Variants in JUND observed in about 807,000 individuals in gnomAD.
JUND encodes the protein transcription factor JunD.
In JUND, 2 loss-of-function variants were observed where a neutral mutation model predicts 7.1. The ratio of observed to expected loss-of-function variants is 0.28; its 90% CI spans 0.11 to 0.88. The LOEUF is 0.88. JUND is among the 40% of genes least tolerant of loss of function. JUND has a pLI of 0.60. For synonymous variants in JUND, 335 were observed against 263.2 expected, an observed-to-expected ratio of 1.27 and a Z score of -2.64; for missense variants, 479 against 519.1, an observed-to-expected ratio of 0.92 and a Z score of 0.75.
Position 18,280,576 on chromosome 19 carries a change from G to C in JUND, c.909C>G (p.Leu303=). Residue 303 remains leucine, a synonymous_variant, in exon 1 of 1, where the codon CTC becomes CTG. Coordinates refer to ENST00000252818, the MANE Select transcript of JUND (RefSeq NM_005354.6). This position sits in a 1 kb window ranked among gnomAD's most constrained non-coding sequence, Gnocchi z 4.1. ...ISRLEEKVKT[L]KSQNTELAST... is the part of the protein sequence containing the mutation. ...ACGCCAGCTCCGTGTTCTGACTCTTGAGGGTCTTCACTTTCTCTTCCAGGC... is the reference window on the plus strand; with the variant it reads ...ACGCCAGCTCCGTGTTCTGACTCTTCAGGGTCTTCACTTTCTCTTCCAGGC... The C allele has an allele frequency of 1.2e-6, 2 of 1,612,996 alleles. No homozygotes were observed. The highest frequency in any genetic ancestry group is 1.7e-6 in the Non-Finnish European group (2 of 1,179,784).
chr19:18,281,074 G>C lies in JUND; in HGVS notation c.411C>G (p.Ala137=). ...CCTCCAGGGCCTTGACGAAGCCCTC[G>C]GCGAACTCCTGCTCCTCGCTGGCCG... ...KVAASEEQEF[A]EGFVKALEDL... The change falls in exon 1 of 1, where the codon GCC becomes GCG. Residue 137 remains alanine, a synonymous_variant. Transcript: ENST00000252818. The C allele has an allele frequency of 6.4e-7, 1 of 1,572,864 alleles. No homozygotes were observed. The highest frequency in any genetic ancestry group is 2.5e-5 in the East Asian group (1 of 40,250).
rs1391413189 is a variant in JUND at position 18,280,353 on chromosome 19, A to T, written c.*88T>A. Reference sequence around the variant, plus strand: ...GGGGAGGGGGGGTCCCCAGGGCCGCACCCTCTCCAAGTCCGGGGCGCCCAC... The same window carrying T: ...GGGGAGGGGGGGTCCCCAGGGCCGCTCCCTCTCCAAGTCCGGGGCGCCCAC... On this transcript the variant is annotated 3_prime_UTR_variant, in exon 1 of 1. Coordinates refer to ENST00000252818, the MANE Select transcript of JUND (RefSeq NM_005354.6). The surrounding 1 kb of genome is among the most constrained non-coding windows in gnomAD (Gnocchi z 4.1). 1.4e-6 allele frequency: 2 copies of T among 1,420,438 alleles called. No individual in the cohort carries two copies. Among genetic ancestry groups the T allele is most frequent in the Non-Finnish European group, 1.9e-6 (2 of 1,065,744 alleles). 88.0% of individuals were successfully genotyped at this position (1,420,438 alleles called of 1,614,324 possible). A position where few individuals can be genotyped will look rare whatever the true frequency, so the allele number is the denominator to read the frequency against.
chr19:18,280,949 G>A lies in JUND; in HGVS notation c.536C>T (p.Pro179Leu). 1 of 1,065,732 alleles carries A rather than the reference G, an allele frequency of 9.4e-7. No homozygotes were observed. The highest frequency in any genetic ancestry group is 1.1e-6 in the Non-Finnish European group (1 of 884,884). 66.0% of individuals were successfully genotyped at this position (1,065,732 alleles called of 1,614,324 possible). A position where few individuals can be genotyped will look rare whatever the true frequency, so the allele number is the denominator to read the frequency against. Residue 179 changes from proline (P) to leucine (L), a missense_variant, in exon 1 of 1, where the codon CCC (proline) becomes CTC (leucine). By Grantham distance (98) the Pro-to-Leu change is moderately conservative. Around this residue, in one of 3 missense-constraint regions of JUND, gnomAD observed 374 missense variants for 365.4 expected, o/e 1.02. Transcript: ENST00000252818. The surrounding 1 kb of genome is among the most constrained non-coding windows in gnomAD (Gnocchi z 4.1). The part of the protein sequence containing the change: ...PSGTATGSAP[P>L]GELAPAAAAP... Reference sequence around the variant, plus strand: ...GGCCGCCGCCGGGGCCAGCTCGCCGGGGGGCGCGGAGCCCGTGGCCGTGCC... The same window carrying A: ...GGCCGCCGCCGGGGCCAGCTCGCCGAGGGGCGCGGAGCCCGTGGCCGTGCC...
rs529130306 is a variant in JUND, at chr19:18,280,985, CCGG to C, written c.497_499del (p.Ala166del). On this transcript the variant is annotated inframe_deletion, in exon 1 of 1. Coordinates refer to ENST00000252818, the MANE Select transcript of JUND (RefSeq NM_005354.6). The surrounding 1 kb of genome is among the most constrained non-coding windows in gnomAD (Gnocchi z 4.1). ...GCCCGTGGCCGTGCCCGAGGGCCCCCCGGCGGCGGCGGCGGCGGCGGCAGCGGC... is the reference window on the plus strand; with the variant it reads ...GCCCGTGGCCGTGCCCGAGGGCCCCCCGGCGGCGGCGGCGGCGGCAGCGGC... The C allele has an allele frequency of 4.3e-4, 488 of 1,139,478 alleles. No individual in the cohort carries two copies. The highest frequency in any genetic ancestry group is 1.8e-3 in the East Asian group (38 of 21,470). 70.6% of individuals were successfully genotyped at this position (1,139,478 alleles called of 1,614,324 possible).
Position 18,280,389 on chromosome 19 carries a change from C to A in JUND, c.*52G>T. On this transcript the variant is annotated 3_prime_UTR_variant, in exon 1 of 1. Coordinates refer to ENST00000252818, the MANE Select transcript of JUND (RefSeq NM_005354.6). The surrounding 1 kb of genome is among the most constrained non-coding windows in gnomAD (Gnocchi z 4.1). The stretch of plus-strand genomic sequence containing the variant: ...GTCCGGGGCGCCCACGACACCCCCC[C>A]GCGAGCCCGCCCCTTGGGGAGGGTG... 1.3e-6 allele frequency: 2 copies of A among 1,522,620 alleles called. No individual in the cohort carries two copies. The highest frequency in any genetic ancestry group is 1.2e-5 in the South Asian group (1 of 82,544). 94.3% of individuals were successfully genotyped at this position (1,522,620 alleles called of 1,614,324 possible).
chr19:18,281,420 C>T lies in JUND; in HGVS notation c.65G>A (p.Gly22Asp), dbSNP rs1910614541. The T allele has an allele frequency of 7.3e-7, 1 of 1,361,358 alleles. No individual in the cohort carries two copies. The highest frequency in any genetic ancestry group is 9.4e-7 in the Non-Finnish European group (1 of 1,063,258). The allele number at this position is 1,361,358 out of a possible 1,614,324, so 84.3% of individuals were successfully genotyped here. A position where few individuals can be genotyped will look rare whatever the true frequency, so the allele number is the denominator to read the frequency against. ...SGLGGGASGS[G>D]GSFASPGRLF... ...GCGGCCCGGGGACGCGAAGCTGCCG[C>T]CGCTGCCACTGGCGCCGCCGCCCAG... The change falls in exon 1 of 1, where the codon GGC becomes GAC. Residue 22 changes from glycine (G) to aspartate (D), a missense_variant. Gly to Asp is a moderately conservative substitution (Grantham distance 94, BLOSUM62 -1). Around this residue, in one of 3 missense-constraint regions of JUND, gnomAD observed 374 missense variants for 365.4 expected, o/e 1.02. Coordinates refer to ENST00000252818, the MANE Select transcript of JUND (RefSeq NM_005354.6).
Position 18,280,191 on chromosome 19 carries a change from A to G in JUND, c.*250T>C, listed in dbSNP as rs894127880. 32 of 428,938 alleles carry G rather than the reference A, an allele frequency of 7.5e-5. No homozygotes were observed. Among genetic ancestry groups the G allele is most frequent in the Non-Finnish European group, 1.3e-4 (32 of 240,290 alleles). The allele number at this position is 428,938 out of a possible 1,614,324, so 26.6% of individuals were successfully genotyped here. ...GCAACACGGGGCGGCCGCGCGGGGG[A>G]AAGAGGCAGCGCGAGGGCGGGGGGG... On this transcript the variant is annotated 3_prime_UTR_variant, in exon 1 of 1. Transcript: ENST00000252818. This position sits in a 1 kb window ranked among gnomAD's most constrained non-coding sequence, Gnocchi z 4.1.
Position 18,280,337 on chromosome 19 carries a change from G to GT in JUND, c.*103_*104insA. 1 of 1,279,082 alleles carries GT rather than the reference G, an allele frequency of 7.8e-7. No individual in the cohort carries two copies. The highest frequency in any genetic ancestry group is 1.0e-6 in the Non-Finnish European group (1 of 952,378). The allele number at this position is 1,279,082 out of a possible 1,614,324, so 79.2% of individuals were successfully genotyped here. A position where few individuals can be genotyped will look rare whatever the true frequency, so the allele number is the denominator to read the frequency against. On this transcript the variant is annotated 3_prime_UTR_variant, in exon 1 of 1. Transcript: ENST00000252818. The surrounding 1 kb of genome is among the most constrained non-coding windows in gnomAD (Gnocchi z 4.1). ...GTTCCTGGGCACACTCGGGGAGGGG[G>GT]GGTCCCCAGGGCCGCACCCTCTCCA...
chr19:18,281,427 C>T lies in JUND; in HGVS notation c.58G>A (p.Gly20Ser), dbSNP rs1969947600. The T allele has an allele frequency of 1.5e-6, 2 of 1,366,226 alleles. No individual in the cohort carries two copies. Among genetic ancestry groups the T allele is most frequent in the East Asian group, 3.1e-5 (1 of 31,874 alleles). The allele number at this position is 1,366,226 out of a possible 1,614,324, so 84.6% of individuals were successfully genotyped here. Residue 20 changes from glycine (G) to serine (S), a missense_variant, in exon 1 of 1, where the codon GGC becomes AGC. Coordinates refer to ENST00000252818, the MANE Select transcript of JUND (RefSeq NM_005354.6). Reference protein sequence around the residue: ...ALSGLGGGASGSGGSFASPGR... With the variant: ...ALSGLGGGASSSGGSFASPGR... ...GGGGACGCGAAGCTGCCGCCGCTGCCACTGGCGCCGCCGCCCAGGCCGCTC... is the reference window on the plus strand; with the variant it reads ...GGGGACGCGAAGCTGCCGCCGCTGCTACTGGCGCCGCCGCCCAGGCCGCTC...
Position 18,281,585 on chromosome 19 carries a change from C to G in JUND, c.-101G>C, listed in dbSNP as rs965116169. The G allele has an allele frequency of 3.4e-6, 1 of 297,788 alleles. No individual in the cohort carries two copies. Among genetic ancestry groups the G allele is most frequent in the Non-Finnish European group, 4.9e-6 (1 of 204,442 alleles). The allele number at this position is 297,788 out of a possible 1,614,324, so 18.4% of individuals were successfully genotyped here. A position where few individuals can be genotyped will look rare whatever the true frequency, so the allele number is the denominator to read the frequency against. ...CTCGGCCCTGCGCCCGCCCCGGCCGCGGCCGCAGCGCCCGGCCCTCCACTG... is the reference window on the plus strand; with the variant it reads ...CTCGGCCCTGCGCCCGCCCCGGCCGGGGCCGCAGCGCCCGGCCCTCCACTG... On this transcript the variant is annotated 5_prime_UTR_variant, in exon 1 of 1. Coordinates refer to ENST00000252818, the MANE Select transcript of JUND (RefSeq NM_005354.6).
At position 18,280,085 on chromosome 19, in the gene JUND, G is replaced by T; in HGVS notation, c.*356C>A. 1 of 274,362 alleles carries T rather than the reference G, an allele frequency of 3.6e-6. No homozygotes were observed. The highest frequency in any genetic ancestry group is 7.0e-6 in the Non-Finnish European group (1 of 143,880). The allele number at this position is 274,362 out of a possible 1,614,324, so 17.0% of individuals were successfully genotyped here. On this transcript the variant is annotated 3_prime_UTR_variant, in exon 1 of 1. Coordinates refer to ENST00000252818, the MANE Select transcript of JUND (RefSeq NM_005354.6). The surrounding 1 kb of genome is among the most constrained non-coding windows in gnomAD (Gnocchi z 4.1). ...AAAAAAAAGTAAAAGTAAAGGAAAG[G>T]CAGGGTTTGAGGCTGCGCCCCCTCG... is the stretch of plus-strand genomic sequence containing the variant.
chr19:18,280,402 C>T lies in JUND; in HGVS notation c.*39G>A. The stretch of plus-strand genomic sequence containing the variant: ...ACGACACCCCCCCGCGAGCCCGCCC[C>T]TTGGGGAGGGTGGCCGCGCATGCGC... On this transcript the variant is annotated 3_prime_UTR_variant, in exon 1 of 1. Coordinates refer to ENST00000252818, the MANE Select transcript of JUND (RefSeq NM_005354.6). This position sits in a 1 kb window ranked among gnomAD's most constrained non-coding sequence, Gnocchi z 4.1. 3 of 1,535,638 alleles carry T rather than the reference C, an allele frequency of 2.0e-6. No individual in the cohort carries two copies. Among genetic ancestry groups the T allele is most frequent in the Non-Finnish European group, 2.6e-6 (3 of 1,144,526 alleles).
chr19:18,280,371 G>C lies in JUND; in HGVS notation c.*70C>G. 1 of 1,496,182 alleles carries C rather than the reference G, an allele frequency of 6.7e-7. No individual in the cohort carries two copies. Among genetic ancestry groups the C allele is most frequent in the Non-Finnish European group, 8.9e-7 (1 of 1,125,254 alleles). The allele number at this position is 1,496,182 out of a possible 1,614,324, so 92.7% of individuals were successfully genotyped here. A position where few individuals can be genotyped will look rare whatever the true frequency, so the allele number is the denominator to read the frequency against. Reference sequence around the variant, plus strand: ...GGGCCGCACCCTCTCCAAGTCCGGGGCGCCCACGACACCCCCCCGCGAGCC... The same window carrying C: ...GGGCCGCACCCTCTCCAAGTCCGGGCCGCCCACGACACCCCCCCGCGAGCC... On this transcript the variant is annotated 3_prime_UTR_variant, in exon 1 of 1. Coordinates refer to ENST00000252818, the MANE Select transcript of JUND (RefSeq NM_005354.6). The surrounding 1 kb of genome is among the most constrained non-coding windows in gnomAD (Gnocchi z 4.1).
At position 18,280,381 on chromosome 19, in the gene JUND, C is replaced by G; in HGVS notation, c.*60G>C. Reference sequence around the variant, plus strand: ...CTCTCCAAGTCCGGGGCGCCCACGACACCCCCCCGCGAGCCCGCCCCTTGG... The same window carrying G: ...CTCTCCAAGTCCGGGGCGCCCACGAGACCCCCCCGCGAGCCCGCCCCTTGG... On this transcript the variant is annotated 3_prime_UTR_variant, in exon 1 of 1. Coordinates refer to ENST00000252818, the MANE Select transcript of JUND (RefSeq NM_005354.6). The surrounding 1 kb of genome is among the most constrained non-coding windows in gnomAD (Gnocchi z 4.1). 6.6e-7 allele frequency: 1 copy of G among 1,515,014 alleles called. No individual in the cohort carries two copies. The highest frequency in any genetic ancestry group is 2.5e-5 in the East Asian group (1 of 40,424). 93.8% of individuals were successfully genotyped at this position (1,515,014 alleles called of 1,614,324 possible).
chr19:18,281,510 C>T lies in JUND; in HGVS notation c.-26G>A. The T allele has an allele frequency of 8.1e-7, 1 of 1,228,072 alleles. No homozygotes were observed. The highest frequency in any genetic ancestry group is 1.0e-6 in the Non-Finnish European group (1 of 982,746). 76.1% of individuals were successfully genotyped at this position (1,228,072 alleles called of 1,614,324 possible). A position where few individuals can be genotyped will look rare whatever the true frequency, so the allele number is the denominator to read the frequency against. On this transcript the variant is annotated 5_prime_UTR_variant, in exon 1 of 1. Transcript: ENST00000252818. ...CCTCCGCCTCCCCCGCCGCGCCGGCCCGGGGGGGAGTGGCCGCGGCCTCCC... is the reference window on the plus strand; with the variant it reads ...CCTCCGCCTCCCCCGCCGCGCCGGCTCGGGGGGGAGTGGCCGCGGCCTCCC...
chr19:18,281,332 C>G lies in JUND; in HGVS notation c.153G>C (p.Thr51=). ...CCGCCACCTGCTCACTCAGGCTCAG[C>G]GTCAGCGCGTCCTTCTTCATCATGC... ...AGSMMKKDAL[T]LSLSEQVAAA... The change falls in exon 1 of 1, where the codon ACG becomes ACC. Residue 51 remains threonine (T), a synonymous_variant. Transcript: ENST00000252818. 7.4e-7 allele frequency: 1 copy of G among 1,357,522 alleles called. No individual in the cohort carries two copies. Among genetic ancestry groups the G allele is most frequent in the Non-Finnish European group, 9.4e-7 (1 of 1,064,752 alleles). The allele number at this position is 1,357,522 out of a possible 1,614,324, so 84.1% of individuals were successfully genotyped here.
At position 18,280,021 on chromosome 19, in the gene JUND, G is replaced by A. The variant is rs750466820; in HGVS notation, c.*420C>T. The A allele has an allele frequency of 5.3e-5, 11 of 206,122 alleles. No homozygotes were observed. The highest frequency in any genetic ancestry group is 6.5e-5 in the Admixed American group (1 of 15,482). The allele number at this position is 206,122 out of a possible 1,614,324, so 12.8% of individuals were successfully genotyped here. A position where few individuals can be genotyped will look rare whatever the true frequency, so the allele number is the denominator to read the frequency against. On this transcript the variant is annotated 3_prime_UTR_variant, in exon 1 of 1. Coordinates refer to ENST00000252818, the MANE Select transcript of JUND (RefSeq NM_005354.6). The surrounding 1 kb of genome is among the most constrained non-coding windows in gnomAD (Gnocchi z 4.1). ...CCCGAGTAGAAACATAAATAGGGCA[G>A]AATCGAACACTCTGTTCTTCTCTCT...
chr19:18,280,095 A>T lies in JUND; in HGVS notation c.*346T>A. 2 of 286,292 alleles carry T rather than the reference A, an allele frequency of 7.0e-6. No individual in the cohort carries two copies. Among genetic ancestry groups the T allele is most frequent in the Non-Finnish European group, 1.3e-5 (2 of 152,142 alleles). The allele number at this position is 286,292 out of a possible 1,614,324, so 17.7% of individuals were successfully genotyped here. ...AAAAGTAAAGGAAAGGCAGGGTTTG[A>T]GGCTGCGCCCCCTCGGAGCCCCCTT... On this transcript the variant is annotated 3_prime_UTR_variant, in exon 1 of 1. Transcript: ENST00000252818. The surrounding 1 kb of genome is among the most constrained non-coding windows in gnomAD (Gnocchi z 4.1).
chr19:18,280,948 G>A lies in JUND; in HGVS notation c.537C>T (p.Pro179=). The A allele has an allele frequency of 9.4e-7, 1 of 1,063,988 alleles. No homozygotes were observed. Among genetic ancestry groups the A allele is most frequent in the African/African-American group, 1.7e-5 (1 of 58,146 alleles). The allele number at this position is 1,063,988 out of a possible 1,614,324, so 65.9% of individuals were successfully genotyped here. A position where few individuals can be genotyped will look rare whatever the true frequency, so the allele number is the denominator to read the frequency against. Residue 179 remains proline, a synonymous_variant, in exon 1 of 1, where the codon CCC becomes CCT. Coordinates refer to ENST00000252818, the MANE Select transcript of JUND (RefSeq NM_005354.6). The surrounding 1 kb of genome is among the most constrained non-coding windows in gnomAD (Gnocchi z 4.1). ...PSGTATGSAP[P]GELAPAAAAP... ...CGGCCGCCGCCGGGGCCAGCTCGCC[G>A]GGGGGCGCGGAGCCCGTGGCCGTGC...
Sources: allele counts gnomAD v4.1 joint callset, GRCh38; gene constraint gnomAD v4.1.1; regional missense constraint gnomAD v4.1.1; non-coding constraint Gnocchi (gnomAD v3.1); transcripts MANE v1.5; gene names NCBI Gene and HGNC (gene_info 2026-07-23, HGNC 2026-07-21).